Variants in NAALADL2 observed in about 807,000 individuals in gnomAD.
NAALADL2 encodes the protein N-acetylated alpha-linked acidic dipeptidase like 2.
A neutral mutation model predicts 87.2 loss-of-function variants in NAALADL2; 76 were observed. The observed-to-expected ratio is 0.87, with a 90% confidence interval of 0.72 to 1.05. NAALADL2 has a LOEUF of 1.05. Ranked by LOEUF, NAALADL2 falls within the 50% of genes least tolerant of loss-of-function variation. The pLI is 0.00. For synonymous variants in NAALADL2, 354 were observed against 331.0 expected (o/e 1.07, Z -0.75); for missense variants, 1,089 against 945.8 (o/e 1.15, Z -1.99).
chr3:175,014,839 C>A (rs1750613105), intron 1 of NAALADL2, among the ~76,000 whole-genome samples: 1 of 152,084 alleles, frequency 6.6e-6, no homozygotes, highest in Admixed American at 6.6e-5. Flanking sequence ...TTCCTTCTCT[C>A]TCCCTCCCTT....
intron 3 of NAALADL2, among the ~76,000 whole-genome samples, chr3:174,741,515 T>C (rs1733756848): frequency 6.6e-6 from 1 of 151,670 alleles, no homozygotes; most frequent in African/African-American, 2.4e-5. Flanking sequence ...ACTGAAATTA[T>C]ATTGTTATTT....
intron 3 of NAALADL2, among the ~76,000 whole-genome samples, chr3:174,850,678 A>G (rs1026261908): frequency 1.3e-5 from 2 of 152,144 alleles, no homozygotes; most frequent in Admixed American, 1.3e-4. Flanking sequence ...TGTGGACTTC[A>G]ACACACCATT....
At chr3:174,849,011 A>T (rs1724943965) in intron 3 of NAALADL2, among the ~76,000 whole-genome samples, 1 of 152,188 alleles carries the variant, frequency 6.6e-6, no homozygotes, top group South Asian at 2.1e-4. Context: ...ACATATCTAA[A>T]CATGGAAAAG....
At position 174,780,483 on chromosome 3, in the gene NAALADL2, T is replaced by G. The variant is rs149063448; in HGVS notation, c.-9+42737T>G. Among the ~76,000 whole-genome samples the G allele has an allele frequency of 1.1e-3, 161 of 152,264 alleles. 1 individual carries two copies. The highest frequency in any genetic ancestry group is 3.7e-3 in the African/African-American group (152 of 41,568). The stretch of plus-strand genomic sequence containing the variant: ...ATGAATACCCTTTATTTCTTTCTCT[T>G]GCCTGATTGCCCTGGCCAGAACTTC... On this transcript the variant is annotated intron_variant, in intron 3 of 3. Transcript: ENST00000434257.
At chr3:175,409,688 TCAA>T (rs1422416401) in intron 5 of NAALADL2, among the ~76,000 whole-genome samples, 1 of 151,674 alleles carries the variant, frequency 6.6e-6, no homozygotes, top group Non-Finnish European at 1.5e-5. Context: ...TTTAGGTAGT[TCAA>T]CATTTTTCAG....
intron 1 of NAALADL2, among the ~76,000 whole-genome samples, chr3:175,020,233 A>G (rs749520499): frequency 1.3e-5 from 2 of 152,066 alleles, no homozygotes; most frequent in Non-Finnish European, 2.9e-5. Flanking sequence ...TGATGCTTTC[A>G]AGGAAAACCA....
intron 2 of NAALADL2, among the ~76,000 whole-genome samples, chr3:174,667,178 A>T (rs1447775): frequency 0.047 from 7,164 of 152,218 alleles, 570 homozygotes; most frequent in African/African-American, 0.16. Flanking sequence ...GTTCTTTTGT[A>T]TGCATACCCA....
intron 11 of NAALADL2, among the ~76,000 whole-genome samples, chr3:175,672,966 C>G (rs1041401657): frequency 1.5e-4 from 22 of 151,332 alleles, no homozygotes; most frequent in African/African-American, 4.9e-4. Flanking sequence ...TAGATGTCCT[C>G]AGTTATATGT....
intron 1 of NAALADL2, among the ~76,000 whole-genome samples, chr3:174,902,181 C>T (rs1054153461): frequency 4.6e-5 from 7 of 152,098 alleles, no homozygotes; most frequent in African/African-American, 1.4e-4. Flanking sequence ...ACCCTTTTGT[C>T]CCATCTTTAT....
chr3:174,608,250 A>G (rs998093693), intron 2 of NAALADL2, among the ~76,000 whole-genome samples: 1 of 152,174 alleles, frequency 6.6e-6, no homozygotes, highest in Non-Finnish European at 1.5e-5. Flanking sequence ...CATCACAATT[A>G]AAAGAACTAG....
chr3:174,662,576 C>T (rs1164093709), intron 2 of NAALADL2, among the ~76,000 whole-genome samples: 1 of 151,980 alleles, frequency 6.6e-6, no homozygotes, highest in African/African-American at 2.4e-5. Flanking sequence ...ATAACTTGAT[C>T]AGAGTTAATA....
chr3:174,946,541 C>G (rs533116115), intron 1 of NAALADL2, among the ~76,000 whole-genome samples: 85 of 152,246 alleles, frequency 5.6e-4, no homozygotes, highest in African/African-American at 1.8e-3. Flanking sequence ...TCACTTAGAA[C>G]AGTGCATGTT....
chr3:174,959,319 A>G (rs1284958842), intron 1 of NAALADL2, among the ~76,000 whole-genome samples: 2 of 152,058 alleles, frequency 1.3e-5, no homozygotes, highest in African/African-American at 4.8e-5. Flanking sequence ...GGAATTGTTC[A>G]TACCTTAAAA....
chr3:174,618,140 T>C (rs1301718856), intron 2 of NAALADL2, among the ~76,000 whole-genome samples: 1 of 151,758 alleles, frequency 6.6e-6, no homozygotes, highest in East Asian at 1.9e-4. Context: ...TCAACATAGA[T>C]GGTTTAGATA....
chr3:174,764,881 T>C (rs1713566997), intron 3 of NAALADL2, among the ~76,000 whole-genome samples: 1 of 152,100 alleles, frequency 6.6e-6, no homozygotes. Context: ...TAAGTCCAAC[T>C]AGAAACAACC....
At chr3:174,873,342 C>T (rs1401471871) in intron 1 of NAALADL2, among the ~76,000 whole-genome samples, 1 of 151,990 alleles carries the variant, frequency 6.6e-6, no homozygotes, top group Admixed American at 6.6e-5. Context: ...GCAACCTCCG[C>T]CTCCCGGGTT....
chr3:175,374,865 C>A (rs1325131067), intron 5 of NAALADL2, among the ~76,000 whole-genome samples: 2 of 149,736 alleles, frequency 1.3e-5, no homozygotes, highest in Non-Finnish European at 1.5e-5. Context: ...CACAATGAGA[C>A]CCTGTCGCAA....
intron 1 of NAALADL2, among the ~76,000 whole-genome samples, chr3:174,890,583 T>C (rs994449436): frequency 6.6e-6 from 1 of 152,046 alleles, no homozygotes; most frequent in African/African-American, 2.4e-5. Context: ...CAGAGAAATA[T>C]GAAAGGTGAA....
intron 2 of NAALADL2, among the ~76,000 whole-genome samples, chr3:175,184,917 C>G (rs1048247358): frequency 3.0e-4 from 46 of 152,024 alleles, no homozygotes. Context: ...ATTGCCCCAC[C>G]ACAAATAATA....
Sources: allele counts gnomAD v4.1 joint callset (sites outside exome capture counted in the v4.1 genomes callset), GRCh38; gene constraint gnomAD v4.1.1; transcripts MANE v1.5; gene names NCBI Gene and HGNC (gene_info 2026-07-23, HGNC 2026-07-21).